Variants in PSD2 observed in about 807,000 individuals in gnomAD.
PSD2 encodes the protein PH and SEC7 domain-containing protein 2.
Under a neutral mutation model 69.8 loss-of-function variants are expected in PSD2, and 38 were observed. The observed-to-expected ratio is 0.54, with a 90% CI of 0.42 to 0.71. The LOEUF (loss-of-function observed/expected upper bound fraction) is 0.71, where lower values mean the gene tolerates loss of function less well. Among genes scored for constraint, PSD2 ranks in the 30% least tolerant of loss-of-function variants. PSD2 has a pLI of 0.00. For synonymous variants in PSD2, 412 were observed against 423.0 expected (o/e 0.97, Z 0.32); for missense variants, 943 against 1,014.5 (o/e 0.93, Z 0.96).
At position 139,795,904 on chromosome 5, in the gene PSD2, C is replaced by G. The variant is rs1359976034; in HGVS notation, c.-122C>G. On this transcript the variant is annotated 5_prime_UTR_variant, in exon 1 of 15. Coordinates refer to ENST00000274710, the MANE Select transcript of PSD2 (RefSeq NM_032289.4). This position sits in a 1 kb window ranked among gnomAD's most constrained non-coding sequence, Gnocchi z 4.5. Reference sequence around the variant, plus strand: ...GCAGCTCCGACCGGCGGCGGCGGGGCGGGACAGGCAGCCCGGCGGCCTCCG... The same window carrying G: ...GCAGCTCCGACCGGCGGCGGCGGGGGGGGACAGGCAGCCCGGCGGCCTCCG... 6.6e-6 allele frequency: 1 copy of G among 150,910 alleles called. No homozygotes were observed. The highest frequency in any genetic ancestry group is 1.5e-5 in the Non-Finnish European group (1 of 67,546). The allele number at this position is 150,910 out of a possible 1,614,324, so 9.3% of individuals were successfully genotyped here. A position where few individuals can be genotyped will look rare whatever the true frequency, so the allele number is the denominator to read the frequency against.
At chr5:139,748,011 G>A in the PSD2 span, among the ~76,000 whole-genome samples, 2 of 152,358 alleles carry the variant, frequency 1.3e-5, no homozygotes, top group South Asian at 4.1e-4. Flanking sequence ...CTTTGCGGAG[G>A]CGGTAATGAG....
At chr5:139,782,059 T>C in the PSD2 span, among the ~76,000 whole-genome samples, 2 of 152,256 alleles carry the variant, frequency 1.3e-5, no homozygotes, top group Non-Finnish European at 2.9e-5. Flanking sequence ...GGGCAGTACT[T>C]ATTTGAGCCC....
chr5:139,780,707 G>A, the PSD2 span, among the ~76,000 whole-genome samples: 1 of 152,180 alleles, frequency 6.6e-6, no homozygotes, highest in Non-Finnish European at 1.5e-5. Context: ...GCCTCCCAAA[G>A]CGCTGGGATT....
intron 7 of PSD2, among the ~76,000 whole-genome samples, chr5:139,832,327 A>C (rs1477072663): frequency 6.6e-6 from 1 of 152,270 alleles, no homozygotes; most frequent in Non-Finnish European, 1.5e-5. Context: ...AAATCTACAC[A>C]GAAAAATACA....
chr5:139,749,783 C>T, the PSD2 span, among the ~76,000 whole-genome samples: 3 of 151,558 alleles, frequency 2.0e-5, no homozygotes, highest in Non-Finnish European at 4.4e-5. Flanking sequence ...ATTGCTTGAG[C>T]CTAGGAGTTT....
chr5:139,802,674 G>A (rs970397677), intron 1 of PSD2, among the ~76,000 whole-genome samples: 2 of 152,168 alleles, frequency 1.3e-5, no homozygotes, highest in Admixed American at 1.3e-4. Flanking sequence ...TGGGCATAGA[G>A]TCACCAGCTG....
At chr5:139,792,425 C>T (rs1194793261), upstream of PSD2, among the ~76,000 whole-genome samples, 1 of 152,052 alleles carries the variant, frequency 6.6e-6, no homozygotes, top group Non-Finnish European at 1.5e-5. Flanking sequence ...TGCAGCTGGC[C>T]CCCCCTCCCC....
chr5:139,813,357 G>A lies in PSD2; in HGVS notation c.420G>A (p.Thr140=), dbSNP rs751756031. 2.3e-5 allele frequency: 36 copies of A among 1,588,062 alleles called. No homozygotes were observed. The East Asian group carries it at 4.5e-4, about 20-fold the overall frequency. The change falls in exon 3 of 15, where the codon ACG becomes ACA. Residue 140 remains threonine (T), a synonymous_variant. Coordinates refer to ENST00000274710, the MANE Select transcript of PSD2 (RefSeq NM_032289.4). The part of the protein sequence containing the change: ...EPDVRDGFSA[T]FEKILESELL... ...ATGTGCGGGATGGCTTCAGCGCCAC[G>A]TTTGAGAAGATTCTGGAGTCAGAGC... is the stretch of plus-strand genomic sequence containing the variant.
intron 1 of PSD2, among the ~76,000 whole-genome samples, chr5:139,801,472 T>C (rs1759673420): frequency 1.3e-5 from 2 of 152,186 alleles, no homozygotes; most frequent in African/African-American, 4.8e-5. Context: ...ACACCCATTC[T>C]TCTGTTTTCC....
intron 7 of PSD2, among the ~76,000 whole-genome samples, chr5:139,829,472 A>G (rs1351729574): frequency 6.6e-6 from 1 of 152,078 alleles, no homozygotes; most frequent in Non-Finnish European, 1.5e-5. Flanking sequence ...GAAACCCCAT[A>G]CCCATCAGCA....
rs747385264 is a variant in PSD2 at position 139,809,769 on chromosome 5, C to T, written c.329C>T (p.Ala110Val). 6.2e-7 allele frequency: 1 copy of T among 1,614,222 alleles called. No homozygotes were observed. Among genetic ancestry groups the T allele is most frequent in the South Asian group, 1.1e-5 (1 of 91,088 alleles). The change falls in exon 2 of 15, where the codon GCT becomes GTT. Residue 110 changes from alanine to valine, a missense_variant. Ala to Val is a moderately conservative substitution (Grantham distance 64). Around this residue, in one of 3 missense-constraint regions of PSD2, gnomAD observed 466 missense variants for 445.0 expected, o/e 1.05. Transcript: ENST00000274710. ...RAGVLAEGDN[A>V]SRSLYPDAED... ...GGCGTGCTGGCAGAGGGGGACAATG[C>T]TTCCAGGAGCCTCTACCCAGATGCT...
chr5:139,763,834 G>A, the PSD2 span, among the ~76,000 whole-genome samples: 1 of 152,150 alleles, frequency 6.6e-6, no homozygotes, highest in Non-Finnish European at 1.5e-5. Context: ...ATGCCTGGTC[G>A]ACTTGCGTTT....
the PSD2 span, among the ~76,000 whole-genome samples, chr5:139,774,414 G>GA: frequency 2.0e-5 from 3 of 152,300 alleles, 1 homozygote; most frequent in South Asian, 6.2e-4. Context: ...TGGGCAGGGG[G>GA]AATGGGGGAA....
At chr5:139,807,916 G>A (rs1759853081) in intron 1 of PSD2, among the ~76,000 whole-genome samples, 2 of 152,240 alleles carry the variant, frequency 1.3e-5, no homozygotes, top group Non-Finnish European at 2.9e-5. Context: ...TGGTTCGGGA[G>A]GTCTGGGGTA....
the PSD2 span, among the ~76,000 whole-genome samples, chr5:139,784,030 C>T: frequency 6.7e-6 from 1 of 149,468 alleles, no homozygotes. Flanking sequence ...CTGCAGCAAC[C>T]TCCTGGGTTC....
intron 7 of PSD2, among the ~76,000 whole-genome samples, chr5:139,830,528 T>TCCTA (rs1760549787): frequency 8.7e-6 from 1 of 115,108 alleles, no homozygotes; most frequent in African/African-American, 4.3e-5. Flanking sequence ...TTTTCTTCCT[T>TCCTA]CCTTCCTTCC....
At chr5:139,782,476 G>A in the PSD2 span, among the ~76,000 whole-genome samples, 2 of 149,046 alleles carry the variant, frequency 1.3e-5, no homozygotes, top group Non-Finnish European at 3.0e-5. Context: ...GAGCCACTGT[G>A]CTGGGCCTGA....
the PSD2 span, among the ~76,000 whole-genome samples, chr5:139,759,415 G>A: frequency 6.6e-6 from 1 of 152,030 alleles, no homozygotes; most frequent in Non-Finnish European, 1.5e-5. Flanking sequence ...CCCCGATCGC[G>A]GTCACCCGTG....
chr5:139,761,201 T>C, the PSD2 span, among the ~76,000 whole-genome samples: 183 of 152,294 alleles, frequency 1.2e-3, no homozygotes, highest in African/African-American at 4.2e-3. Context: ...TGAGTCCTCA[T>C]GACCACTTGT....
Sources: allele counts gnomAD v4.1 joint callset (sites outside exome capture counted in the v4.1 genomes callset), GRCh38; gene constraint gnomAD v4.1.1; regional missense constraint gnomAD v4.1.1; non-coding constraint Gnocchi (gnomAD v3.1); transcripts MANE v1.5; gene names NCBI Gene and HGNC (gene_info 2026-07-23, HGNC 2026-07-21).